SERGEF: variants seen among roughly 807,000 people sequenced by gnomAD.
The protein encoded by SERGEF is secretion-regulating guanine nucleotide exchange factor.
In SERGEF, 51 loss-of-function variants were observed where a neutral mutation model predicts 50.0. The observed-to-expected ratio is 1.02, with a 90% CI of 0.81 to 1.29. The LOEUF (loss-of-function observed/expected upper bound fraction) is 1.29, where lower values mean the gene tolerates loss of function less well. SERGEF is among the 50% of genes most tolerant of loss of function. SERGEF has a pLI of 0.00. For missense variants in SERGEF, 521 were observed against 557.0 expected (o/e 0.94, Z 0.65); for synonymous variants, 205 against 212.4 (o/e 0.97, Z 0.30).
At chr11:17,818,869 C>G (rs554741016) in intron 10 of SERGEF, among the ~76,000 whole-genome samples, 26 of 152,310 alleles carry the variant, frequency 1.7e-4, no homozygotes, top group African/African-American at 6.3e-4. Context: ...AACTGAAGTC[C>G]TTGCCACCTA....
intron 1 of SERGEF, among the ~76,000 whole-genome samples, chr11:18,009,903 CA>C (rs1854161999): frequency 1.3e-5 from 2 of 152,192 alleles, no homozygotes; most frequent in South Asian, 4.1e-4. Context: ...TTCTGCATTA[CA>C]AAGTACAAAT....
At position 17,878,309 on chromosome 11, in the gene SERGEF, A is replaced by T. The variant is rs562348145; in HGVS notation, c.1012-65T>A. ...TTCAGCCAGTATATTTTATAATCAT[A>T]GTTCTTTTCTAATGACACTAACATC... On this transcript the variant is annotated intron_variant, in intron 9 of 10. Transcript: ENST00000265965. 3 of 1,305,232 alleles carry T rather than the reference A, an allele frequency of 2.3e-6. No homozygotes were observed. In the East Asian group the frequency reaches 7.2e-5, roughly 31 times the overall value. The allele number at this position is 1,305,232 out of a possible 1,614,324, so 80.9% of individuals were successfully genotyped here.
rs377166311 is a variant in SERGEF at position 18,012,958 on chromosome 11, A to G, written c.53T>C (p.Phe18Ser). 1.3e-6 allele frequency: 2 copies of G among 1,486,330 alleles called. No homozygotes were observed. Among genetic ancestry groups the G allele is most frequent in the Admixed American group, 2.3e-5 (1 of 42,714 alleles). The allele number at this position is 1,486,330 out of a possible 1,614,324, so 92.1% of individuals were successfully genotyped here. A position where few individuals can be genotyped will look rare whatever the true frequency, so the allele number is the denominator to read the frequency against. ...GGGGGCGGAGTCACGTACCCAGGCG[A>G]AGAGCGCGGCCGCCGCGGGGGCGGC... ...SEAAPAAAAL[F>S]AWGANSYGQL... The change falls in exon 1 of 11, where the codon TTC (phenylalanine) becomes TCC (serine). Residue 18 changes from phenylalanine (F) to serine (S), a missense_variant. Phe to Ser is a radical substitution (Grantham distance 155, BLOSUM62 -2). Coordinates refer to ENST00000265965, the MANE Select transcript of SERGEF (RefSeq NM_012139.4).
At chr11:17,905,294 A>G (rs1384783632) in intron 9 of SERGEF, among the ~76,000 whole-genome samples, 1 of 152,224 alleles carries the variant, frequency 6.6e-6, no homozygotes, top group Admixed American at 6.5e-5. Flanking sequence ...AATAAATTGA[A>G]GTGTAATTTA....
At chr11:17,906,905 ATATT>A (rs1409205041) in intron 9 of SERGEF, among the ~76,000 whole-genome samples, 1 of 151,920 alleles carries the variant, frequency 6.6e-6, no homozygotes, top group African/African-American at 2.4e-5. Flanking sequence ...TGGTTGTAAT[ATATT>A]TAAAGAATGA....
At chr11:18,001,540 G>A (rs1235565584) in intron 4 of SERGEF, among the ~76,000 whole-genome samples, 4 of 152,208 alleles carry the variant, frequency 2.6e-5, no homozygotes, top group South Asian at 2.1e-4. Flanking sequence ...ACAGGTCCAC[G>A]GAGATTGCAA....
At chr11:17,921,929 C>A (rs977467478) in intron 9 of SERGEF, among the ~76,000 whole-genome samples, 3 of 152,150 alleles carry the variant, frequency 2.0e-5, no homozygotes, top group African/African-American at 7.2e-5. Flanking sequence ...GCACTGACTC[C>A]TCAGCACAAT....
chr11:17,979,263 C>T (rs1028100538), intron 8 of SERGEF, among the ~76,000 whole-genome samples: 6 of 152,194 alleles, frequency 3.9e-5, no homozygotes, highest in Non-Finnish European at 7.3e-5. Context: ...CAGGATTCCT[C>T]GCAAACCTCA....
At chr11:17,995,180 C>T (rs1321069910) in intron 6 of SERGEF, among the ~76,000 whole-genome samples, 2 of 152,284 alleles carry the variant, frequency 1.3e-5, no homozygotes, top group East Asian at 3.9e-4. Flanking sequence ...GACCAACAGA[C>T]CTTTGGGCAG....
intron 10 of SERGEF, among the ~76,000 whole-genome samples, chr11:17,860,332 A>G (rs1258989325): frequency 1.3e-5 from 2 of 152,218 alleles, no homozygotes; most frequent in Non-Finnish European, 2.9e-5. Context: ...CAGTGAGAAC[A>G]GTATTTACAC....
intron 8 of SERGEF, among the ~76,000 whole-genome samples, chr11:17,971,439 C>G (rs1320717729): frequency 1.3e-5 from 2 of 152,136 alleles, no homozygotes; most frequent in South Asian, 2.1e-4. Context: ...TTCACCATTC[C>G]AAAAATCCTA....
intron 10 of SERGEF, among the ~76,000 whole-genome samples, chr11:17,873,531 C>A (rs748268399): frequency 4.5e-4 from 68 of 152,170 alleles, no homozygotes; most frequent in Admixed American, 9.2e-4. Flanking sequence ...TGGTTTCATG[C>A]CAAGGTTAGA....
At position 17,843,740 on chromosome 11, in the gene SERGEF, C is replaced by T. The variant is rs187352954; in HGVS notation, c.1048+34468G>A. On this transcript the variant is annotated intron_variant, in intron 10 of 10. Transcript: ENST00000265965. The stretch of plus-strand genomic sequence containing the variant: ...GTGTGTCAGACATTGCACTGGAGGA[C>T]GGGGATAAAGAGATGGGTAAGATAC... 2.7e-3 allele frequency among the ~76,000 whole-genome samples: 417 copies of T among 152,078 alleles called. 1 individual carries two copies. Among genetic ancestry groups the T allele is most frequent in the African/African-American group, 9.1e-3 (377 of 41,470 alleles).
At chr11:17,804,213 C>T (rs537821467) in intron 10 of SERGEF, among the ~76,000 whole-genome samples, 1 of 152,320 alleles carries the variant, frequency 6.6e-6, no homozygotes, top group East Asian at 1.9e-4. Flanking sequence ...CTGTCAGAAT[C>T]TCCCTCAGAG....
chr11:18,000,694 T>A, intron 4 of SERGEF, 137 bp from the exon 5 acceptor site: 2 of 726,824 alleles, frequency 2.8e-6, no homozygotes, highest in Non-Finnish European at 5.1e-6. Flanking sequence ...CCCCAATATT[T>A]CCACCCATTA....
At chr11:17,948,708 C>G (rs1206854762) in intron 9 of SERGEF, among the ~76,000 whole-genome samples, 1 of 152,192 alleles carries the variant, frequency 6.6e-6, no homozygotes, top group Middle Eastern at 3.2e-3. Context: ...CCTGTGGGAG[C>G]CACAGTAGCC....
intron 9 of SERGEF, among the ~76,000 whole-genome samples, chr11:17,926,391 G>A (rs1242059118): frequency 3.3e-5 from 5 of 152,122 alleles, no homozygotes. Context: ...CAGGGCCAGA[G>A]GCAGGGAGAG....
At chr11:17,850,469 T>A (rs867081600) in intron 10 of SERGEF, among the ~76,000 whole-genome samples, 2 of 152,256 alleles carry the variant, frequency 1.3e-5, no homozygotes, top group South Asian at 4.1e-4. Context: ...GACAGACATA[T>A]GGGTTGTTAT....
chr11:17,802,650 C>T (rs1053292950), intron 10 of SERGEF, among the ~76,000 whole-genome samples: 6 of 152,170 alleles, frequency 3.9e-5, no homozygotes, highest in African/African-American at 1.4e-4. Flanking sequence ...TCTCCTTGCT[C>T]TTCCTCCAAC....
Sources: gnomAD v4.1 joint callset for allele counts (sites outside exome capture counted in the v4.1 genomes callset) on GRCh38, gnomAD v4.1.1 for gene constraint, MANE v1.5 for transcripts, NCBI Gene and HGNC (gene_info 2026-07-23, HGNC 2026-07-21) for gene names.